Variants in LBR observed in about 807,000 individuals in gnomAD.
LBR encodes delta(14)-sterol reductase LBR.
LBR carries 28 observed loss-of-function variants against 74.3 expected under a neutral mutation model. The observed-to-expected ratio is 0.38, with a 90% CI of 0.28 to 0.52. The LOEUF (loss-of-function observed/expected upper bound fraction) is 0.52, where lower values mean the gene tolerates loss of function less well. Ranked by LOEUF, LBR falls within the 20% of genes least tolerant of loss-of-function variation. The pLI, the probability that LBR is intolerant of heterozygous loss-of-function variation, is 0.89. For synonymous variants in LBR, 228 were observed against 269.3 expected, an observed-to-expected ratio of 0.85 and a Z score of 1.50; for missense variants, 717 against 760.3, an observed-to-expected ratio of 0.94 and a Z score of 0.67.
intron 5 of LBR, among the ~76,000 whole-genome samples, chr1:225,418,581 C>T (rs79396639): frequency 0.013 from 1,916 of 152,280 alleles, 38 homozygotes; most frequent in African/African-American, 0.043. Flanking sequence ...CAGTTTCTAA[C>T]AATTAAAATA....
chr1:225,415,561 G>A (rs1465425121), intron 6 of LBR, among the ~76,000 whole-genome samples: 1 of 152,072 alleles, frequency 6.6e-6, no homozygotes, highest in Non-Finnish European at 1.5e-5. Flanking sequence ...ATTCAGTAAT[G>A]ACTTCCTAGT....
At chr1:225,407,659 C>A (rs1336207603) in intron 10 of LBR, among the ~76,000 whole-genome samples, 1 of 152,204 alleles carries the variant, frequency 6.6e-6, no homozygotes, top group Non-Finnish European at 1.5e-5. Flanking sequence ...CTAAACTACC[C>A]AGAACCTCAG....
Position 225,424,095 on chromosome 1 carries a change from T to G in LBR, c.-14-6A>C. On this transcript the variant is annotated splice_polypyrimidine_tract_variant and splice_region_variant and intron_variant, in intron 1 of 13. Coordinates refer to ENST00000272163, the MANE Select transcript of LBR (RefSeq NM_002296.4). ...TGGCATTTTCTATAATTAACCTGAA[T>G]AGTTTTAAAGAAAAAAATTTGAGTC... 6.2e-7 allele frequency: 1 copy of G among 1,611,654 alleles called. No individual in the cohort carries two copies. The highest frequency in any genetic ancestry group is 8.5e-7 in the Non-Finnish European group (1 of 1,177,824).
chr1:225,406,885 T>G (rs1030953685), intron 10 of LBR, 53 bp from the exon 11 acceptor site: 3 of 1,547,180 alleles, frequency 1.9e-6, no homozygotes, highest in Non-Finnish European at 2.7e-6. Context: ...TTTAAAGTAT[T>G]CAAATAAAGT....
chr1:225,423,688 G>C (rs879913464), intron 2 of LBR, among the ~76,000 whole-genome samples: 6 of 152,212 alleles, frequency 3.9e-5, no homozygotes, highest in Non-Finnish European at 7.3e-5. Context: ...GGGACCAACA[G>C]ATGCAAATGG....
chr1:225,403,260 A>G lies in LBR; in HGVS notation c.*43T>C, dbSNP rs1387024856. 2 of 1,589,858 alleles carry G rather than the reference A, an allele frequency of 1.3e-6. No homozygotes were observed. The highest frequency in any genetic ancestry group is 1.7e-6 in the Non-Finnish European group (2 of 1,157,884). ...TTTTTTCCTTGTTTTTGCAAATGGC[A>G]GCTGGAATTGCAGGAGTATTTTGTA... is the stretch of plus-strand genomic sequence containing the variant. On this transcript the variant is annotated 3_prime_UTR_variant, in exon 14 of 14. Transcript: ENST00000272163.
chr1:225,411,520 C>G, intron 8 of LBR, 80 bp from the exon 9 acceptor site: 1 of 1,010,132 alleles, frequency 9.9e-7, no homozygotes, highest in Non-Finnish European at 1.6e-6. Context: ...CGCCCACTAT[C>G]CAGGCTCACA....
chr1:225,406,569 C>G, intron 11 of LBR, 95 bp downstream of exon 11: 1 of 1,133,856 alleles, frequency 8.8e-7, no homozygotes. Flanking sequence ...GCTGGCCATT[C>G]AAAATGGCAT....
In LBR at chr1:225,417,966, G is replaced by A; in HGVS notation, c.837+18C>T. ...GACCTCATCTTATTAAAACAAAACA[G>A]AATTACCATAAACGTACCTTTCCAA... On this transcript the variant is annotated intron_variant, in intron 6 of 13. Coordinates refer to ENST00000272163, the MANE Select transcript of LBR (RefSeq NM_002296.4). 1 of 1,610,934 alleles carries A rather than the reference G, an allele frequency of 6.2e-7. No homozygotes were observed.
At position 225,412,557 on chromosome 1, in the gene LBR, A is replaced by T. The variant is rs2096108107; in HGVS notation, c.981T>A (p.Leu327=). 8.1e-6 allele frequency: 13 copies of T among 1,614,130 alleles called. No individual in the cohort carries two copies. Among genetic ancestry groups the T allele is most frequent in the Non-Finnish European group, 1.1e-5 (13 of 1,180,014 alleles). Residue 327 remains leucine (L), a synonymous_variant, in exon 8 of 14, where the codon CTT becomes CTA. Coordinates refer to ENST00000272163, the MANE Select transcript of LBR (RefSeq NM_002296.4). ...AAACAGTGGCCGCAAGTGCAAACTG[A>T]AGAAAATGACTGTACACGTAATGAA... ...VEFHYVYSHF[L]QFALAATVFC... is the part of the protein sequence containing the mutation.
At position 225,422,202 on chromosome 1, in the gene LBR, T is replaced by C; in HGVS notation, c.241A>G (p.Arg81Gly). The part of the protein sequence containing the change: ...SPSRRRGSRS[R>G]SRSRSPGRPP... ...CGACCAGGGGATCGGGAGCGTGACC[T>C]TGATCGACTCCCTCGGCGTCTGGAA... Residue 81 changes from arginine to glycine, a missense_variant, in exon 3 of 14, where the codon AGG becomes GGG. Physicochemically the swap from Arg to Gly is moderately radical, Grantham distance 125. Coordinates refer to ENST00000272163, the MANE Select transcript of LBR (RefSeq NM_002296.4). 1 of 1,613,950 alleles carries C rather than the reference T, an allele frequency of 6.2e-7. No individual in the cohort carries two copies. Among genetic ancestry groups the C allele is most frequent in the Non-Finnish European group, 8.5e-7 (1 of 1,180,000 alleles).
intron 10 of LBR, among the ~76,000 whole-genome samples, chr1:225,407,572 GAT>G (rs2096094945): frequency 6.6e-6 from 1 of 152,158 alleles, no homozygotes; most frequent in East Asian, 1.9e-4. Flanking sequence ...TCTGGCCCAG[GAT>G]ACGGGCAGGC....
chr1:225,424,682 G>A lies in LBR; in HGVS notation c.-14-593C>T, dbSNP rs138863861. 4.8e-3 allele frequency among the ~76,000 whole-genome samples: 727 copies of A among 152,260 alleles called. 3 individuals carry two copies. The highest frequency in any genetic ancestry group is 7.9e-3 in the Non-Finnish European group (534 of 68,022). ...CTGCCAACCACCCACCTAAGCCAGG[G>A]TGGTTGCCTTCATCCAAGCTCACTT... On this transcript the variant is annotated intron_variant, in intron 1 of 13. Transcript: ENST00000272163.
At chr1:225,423,818 G>A (rs567040341) in intron 2 of LBR, 93 bp downstream of exon 2, 576 of 1,245,900 alleles carry the variant, frequency 4.6e-4, no homozygotes, top group Middle Eastern at 1.0e-3. Flanking sequence ...CCTTCAAACC[G>A]AGCTGAACTG....
rs770244436 is a variant in LBR at position 225,418,120 on chromosome 1, T to C, written c.701A>G (p.Lys234Arg). The change falls in exon 6 of 14, where the codon AAA becomes AGA. Residue 234 changes from lysine to arginine, a missense_variant. By Grantham distance (26) the Lys-to-Arg change is conservative. Transcript: ENST00000272163. Reference sequence around the variant, plus strand: ...ATTCAGAAGACTGGGATCTTTCTGTTTACACATCAACAGCAACAGGAAGAG... The same window carrying C: ...ATTCAGAAGACTGGGATCTTTCTGTCTACACATCAACAGCAACAGGAAGAG... Reference protein sequence around the residue: ...VFLFLLLLMCKQKDPSLLNFP... With the variant: ...VFLFLLLLMCRQKDPSLLNFP... 10 of 1,613,906 alleles carry C rather than the reference T, an allele frequency of 6.2e-6. No homozygotes were observed. In the Admixed American group the frequency reaches 1.3e-4, roughly 22 times the overall value.
At chr1:225,414,689 C>T (rs559752285) in intron 7 of LBR, among the ~76,000 whole-genome samples, 7 of 152,202 alleles carry the variant, frequency 4.6e-5, no homozygotes, top group South Asian at 2.1e-4. Flanking sequence ...TAGCCAAGTC[C>T]TAGCCCATGA....
intron 13 of LBR, among the ~76,000 whole-genome samples, chr1:225,403,937 A>C (rs1575217530): frequency 9.7e-6 from 1 of 103,390 alleles, no homozygotes; most frequent in African/African-American, 3.7e-5. Context: ...CCCTGGCTCC[A>C]CCAGTACCTC....
At position 225,412,070 on chromosome 1, in the gene LBR, G is replaced by A. The variant is rs907237882; in HGVS notation, c.1084+384C>T. 9.9e-5 allele frequency among the ~76,000 whole-genome samples: 15 copies of A among 152,244 alleles called. 1 individual carries two copies. The highest frequency in any genetic ancestry group is 2.6e-4 in the African/African-American group (11 of 41,558). On this transcript the variant is annotated intron_variant, in intron 8 of 13. Transcript: ENST00000272163. ...GGTGATCCACCCGCCTTGGCCTCCC[G>A]AAGTGCTGGGATTACAGGCATGAGC...
At position 225,401,747 on chromosome 1, in the gene LBR, C is replaced by T. The variant is rs1004142634; in HGVS notation, c.*1556G>A. The T allele has an allele frequency of 1.3e-5, 2 of 152,086 alleles. No individual in the cohort carries two copies. The highest frequency in any genetic ancestry group is 6.5e-5 in the Admixed American group (1 of 15,272). 9.4% of individuals were successfully genotyped at this position (152,086 alleles called of 1,614,324 possible). A position where few individuals can be genotyped will look rare whatever the true frequency, so the allele number is the denominator to read the frequency against. On this transcript the variant is annotated 3_prime_UTR_variant, in exon 14 of 14. Coordinates refer to ENST00000272163, the MANE Select transcript of LBR (RefSeq NM_002296.4). ...CCACTTTCTGATGCCAGGAGAAAAG[C>T]AAAATAAAAAAACTGCTTGCACACA...
Sources: gnomAD v4.1 joint callset for allele counts (sites outside exome capture counted in the v4.1 genomes callset) on GRCh38, gnomAD v4.1.1 for gene constraint, MANE v1.5 for transcripts, NCBI Gene and HGNC (gene_info 2026-07-23, HGNC 2026-07-21) for gene names.